The following DNAJC13 variants were observed in gnomAD, a reference collection of about 807,000 sequenced individuals.
DNAJC13 encodes the protein DnaJ heat shock protein family (Hsp40) member C13.
Under a neutral mutation model 290.5 loss-of-function variants are expected in DNAJC13, and 75 were observed. That is an observed-to-expected ratio of 0.26 (90% CI 0.21 to 0.31). DNAJC13 has a LOEUF of 0.31. Ranked by LOEUF, DNAJC13 falls within the 10% of genes least tolerant of loss-of-function variation. The pLI is 1.00. For synonymous variants in DNAJC13, 862 were observed against 892.0 expected (o/e 0.97, Z 0.60); for missense variants, 2,260 against 2,674.5 (o/e 0.85, Z 3.42).
intron 34 of DNAJC13, 45 bp from the exon 35 acceptor site, chr3:132,495,043 T>G: frequency 7.4e-7 from 1 of 1,344,468 alleles, no homozygotes; most frequent in Non-Finnish European, 1.1e-6. Context: ...AATTATTTTT[T>G]CTTGTGCCTT....
chr3:132,517,302 C>G lies in DNAJC13; in HGVS notation c.5673+486C>G, dbSNP rs546428588. On this transcript the variant is annotated intron_variant, in intron 48 of 55. Transcript: ENST00000260818. ...TGCAGGGAGATCTTTTATTCCAAAT[C>G]TGGAGATAACCGGATGATCTCTGGA... is the stretch of plus-strand genomic sequence containing the variant. Among the ~76,000 whole-genome samples, 4 of 152,326 alleles carry G rather than the reference C, an allele frequency of 2.6e-5. No homozygotes were observed. In the East Asian group the frequency reaches 7.7e-4, roughly 29 times the overall value.
intron 51 of DNAJC13, 26 bp from the exon 52 acceptor site, chr3:132,525,584 G>A (rs1468261684): frequency 4.4e-6 from 7 of 1,609,030 alleles, no homozygotes; most frequent in Non-Finnish European, 5.9e-6. Context: ...TTTTATAGTT[G>A]ATTTATTTTT....
At position 132,495,179 on chromosome 3, in the gene DNAJC13, G is replaced by A. The variant is rs1329959976; in HGVS notation, c.4020+13G>A. On this transcript the variant is annotated intron_variant, in intron 35 of 55. Transcript: ENST00000260818. ...TCCAGAAGGGAGGGTATGTACTGCT[G>A]TTGGAATTCAGGCATTGGGCTTCCT... The A allele has an allele frequency of 6.2e-7, 1 of 1,608,518 alleles. No homozygotes were observed. Among genetic ancestry groups the A allele is most frequent in the African/African-American group, 1.3e-5 (1 of 74,916 alleles).
chr3:132,429,004 A>G (rs1477044726), intron 1 of DNAJC13, among the ~76,000 whole-genome samples: 1 of 152,238 alleles, frequency 6.6e-6, no homozygotes, highest in African/African-American at 2.4e-5. Context: ...AAGTGCCAGG[A>G]TTACAGGCGT....
At chr3:132,449,071 A>T (rs775992244) in intron 5 of DNAJC13, among the ~76,000 whole-genome samples, 1 of 152,174 alleles carries the variant, frequency 6.6e-6, no homozygotes, top group Non-Finnish European at 1.5e-5. Flanking sequence ...CCTCTAGAAG[A>T]TTGCCCAAAG....
intron 54 of DNAJC13, among the ~76,000 whole-genome samples, chr3:132,528,645 TAGG>T (rs1936329267): frequency 6.6e-6 from 1 of 152,256 alleles, no homozygotes; most frequent in Non-Finnish European, 1.5e-5. Context: ...CTTTCAGCTC[TAGG>T]AGTTATTCAT....
intron 1 of DNAJC13, among the ~76,000 whole-genome samples, chr3:132,421,395 GATT>G (rs1559861448): frequency 1.3e-5 from 2 of 152,170 alleles, no homozygotes; most frequent in African/African-American, 4.8e-5. Flanking sequence ...AGTTAAGTAT[GATT>G]ATACCAAAAT....
chr3:132,525,866 G>C, intron 52 of DNAJC13, 77 bp downstream of exon 52: 1 of 1,465,178 alleles, frequency 6.8e-7, no homozygotes, highest in Non-Finnish European at 9.2e-7. Context: ...ATAAGTTGTA[G>C]TATTATATAA....
chr3:132,464,003 C>G (rs2107676210), intron 17 of DNAJC13, among the ~76,000 whole-genome samples, 186 bp downstream of exon 17: 1 of 152,258 alleles, frequency 6.6e-6, no homozygotes, highest in South Asian at 2.1e-4. Flanking sequence ...TATGGAAAAC[C>G]TGGAGGGAAA....
intron 40 of DNAJC13, among the ~76,000 whole-genome samples, 186 bp from the exon 41 acceptor site, chr3:132,503,028 A>G (rs1208498521): frequency 6.6e-6 from 1 of 152,210 alleles, no homozygotes; most frequent in Admixed American, 6.5e-5. Flanking sequence ...CTTCTTATAA[A>G]TAAAAAACAA....
chr3:132,509,589 A>G (rs1248955625), intron 43 of DNAJC13, among the ~76,000 whole-genome samples: 1 of 152,268 alleles, frequency 6.6e-6, no homozygotes, highest in Non-Finnish European at 1.5e-5. Context: ...AAATGTTGTC[A>G]AACAGATCAC....
chr3:132,449,187 G>T (rs1933347331), intron 5 of DNAJC13, among the ~76,000 whole-genome samples: 1 of 152,106 alleles, frequency 6.6e-6, no homozygotes, highest in Non-Finnish European at 1.5e-5. Flanking sequence ...TGGCTAAACG[G>T]CACTCTTCTT....
intron 24 of DNAJC13, among the ~76,000 whole-genome samples, chr3:132,478,706 C>T (rs1461266591): frequency 2.0e-5 from 3 of 152,232 alleles, no homozygotes; most frequent in Admixed American, 6.5e-5. Context: ...CTGCAGTGAG[C>T]TGTGATCACA....
chr3:132,511,294 T>A, intron 44 of DNAJC13, 50 bp downstream of exon 44: 4 of 1,565,886 alleles, frequency 2.6e-6, no homozygotes, highest in Non-Finnish European at 3.5e-6. Context: ...ACAGGAGCCC[T>A]AAAAATTCCA....
chr3:132,511,797 C>T (rs1351181338), intron 44 of DNAJC13, among the ~76,000 whole-genome samples: 29 of 152,118 alleles, frequency 1.9e-4, no homozygotes. Flanking sequence ...AACAGCTTCT[C>T]TCAACTCTAA....
chr3:132,418,549 A>G (rs1025483195), intron 1 of DNAJC13, among the ~76,000 whole-genome samples: 2 of 151,364 alleles, frequency 1.3e-5, no homozygotes, highest in South Asian at 4.2e-4. Context: ...TAAAGATTTC[A>G]CCCTAATGTG....
At chr3:132,462,434 AT>A (rs1312703193) in intron 15 of DNAJC13, 32 bp from the exon 16 acceptor site, 2 of 1,595,424 alleles carry the variant, frequency 1.3e-6, no homozygotes, top group Admixed American at 1.7e-5. Context: ...ATTCTTTTTT[AT>A]TTTTTGATAC....
chr3:132,454,477 A>T (rs940056731), intron 9 of DNAJC13, among the ~76,000 whole-genome samples: 4 of 151,408 alleles, frequency 2.6e-5, no homozygotes, highest in African/African-American at 9.7e-5. Flanking sequence ...GTGCGCCACC[A>T]CGCCCAGCTA....
At chr3:132,537,319 A>G (rs1418257975) in intron 55 of DNAJC13, 5 of 443,338 alleles carry the variant, frequency 1.1e-5, no homozygotes, top group Non-Finnish European at 2.3e-5. Context: ...TTCTAGTCCT[A>G]ACCCTCAATG....
Sources: allele counts gnomAD v4.1 joint callset (sites outside exome capture counted in the v4.1 genomes callset), GRCh38; gene constraint gnomAD v4.1.1; transcripts MANE v1.5; gene names NCBI Gene and HGNC (gene_info 2026-07-23, HGNC 2026-07-21).